MAB21L3: variants seen among roughly 807,000 people sequenced by gnomAD.
MAB21L3 encodes protein mab-21-like 3.
MAB21L3 carries 36 observed loss-of-function variants against 37.7 expected under a neutral mutation model. The observed-to-expected ratio is 0.96, with a 90% CI of 0.73 to 1.26. The LOEUF (loss-of-function observed/expected upper bound fraction) is 1.26, where lower values mean the gene tolerates loss of function less well. Among genes scored for constraint, MAB21L3 ranks in the 50% most tolerant of loss-of-function variants. The pLI is 0.00. For missense variants in MAB21L3, 430 were observed against 447.3 expected (o/e 0.96, Z 0.35); for synonymous variants, 186 against 176.8 (o/e 1.05, Z -0.41).
In MAB21L3 at chr1:116,112,562, G is replaced by T. The variant is rs200080620; in HGVS notation, c.-54G>T. The T allele has an allele frequency of 3.1e-6, 4 of 1,296,210 alleles. No homozygotes were observed. Among genetic ancestry groups the T allele is most frequent in the Non-Finnish European group, 3.2e-6 (3 of 932,346 alleles). The allele number at this position is 1,296,210 out of a possible 1,614,324, so 80.3% of individuals were successfully genotyped here. A position where few individuals can be genotyped will look rare whatever the true frequency, so the allele number is the denominator to read the frequency against. ...ACTCACAAGTGTTGCACTCCATTGAGAAAAAAAAAAAAACCAGGAAGTTGC... is the reference window on the plus strand; with the variant it reads ...ACTCACAAGTGTTGCACTCCATTGATAAAAAAAAAAAAACCAGGAAGTTGC... On this transcript the variant is annotated 5_prime_UTR_variant, in exon 3 of 8. Coordinates refer to ENST00000369500, the MANE Select transcript of MAB21L3 (RefSeq NM_152367.3).
intron 3 of MAB21L3, among the ~76,000 whole-genome samples, chr1:116,115,677 T>G (rs1315196863): frequency 6.6e-6 from 1 of 152,216 alleles, no homozygotes; most frequent in Non-Finnish European, 1.5e-5. Context: ...CGTATCGGAA[T>G]GCAAGTGAGT....
At chr1:116,118,871 C>T (rs1659661959) in intron 3 of MAB21L3, among the ~76,000 whole-genome samples, 1 of 152,220 alleles carries the variant, frequency 6.6e-6, no homozygotes, top group African/African-American at 2.4e-5. Context: ...AACCTCCAAA[C>T]TGGATGAAGT....
rs547615735 is a variant in MAB21L3 at position 116,131,662 on chromosome 1, C to T, written c.856-1470C>T. Among the ~76,000 whole-genome samples the T allele has an allele frequency of 5.1e-4, 77 of 152,210 alleles. 1 individual carries two copies. The highest frequency in any genetic ancestry group is 8.3e-4 in the South Asian group (4 of 4,824). ...CCCAAGTAGCTGGGACTACAGGCAC[C>T]CGCCACCACGCCTGGCTAATTTTTT... On this transcript the variant is annotated intron_variant, in intron 7 of 7. Transcript: ENST00000369500.
Position 116,133,097 on chromosome 1 carries a change from G to A in MAB21L3, c.856-35G>A, listed in dbSNP as rs200172904. ...TCCAAGCTATCCTCCTCAATTGCCCGAAACAATGTCTGACAGCACTTCTCC... is the reference window on the plus strand; with the variant it reads ...TCCAAGCTATCCTCCTCAATTGCCCAAAACAATGTCTGACAGCACTTCTCC... On this transcript the variant is annotated intron_variant, in intron 7 of 7. Transcript: ENST00000369500. 1.7e-5 allele frequency: 27 copies of A among 1,570,480 alleles called. 1 individual carries two copies. Among genetic ancestry groups the A allele is most frequent in the Admixed American group, 6.8e-5 (4 of 59,056 alleles).
intron 2 of MAB21L3, 54 bp downstream of exon 2, chr1:116,111,864 C>T (rs914532202): frequency 3.3e-5 from 5 of 152,684 alleles, no homozygotes; most frequent in African/African-American, 1.2e-4. Flanking sequence ...CCCGTGTGCA[C>T]TCTGTGTACG....
intron 3 of MAB21L3, among the ~76,000 whole-genome samples, chr1:116,120,107 C>G (rs900024225): frequency 6.6e-6 from 1 of 152,012 alleles, no homozygotes; most frequent in Admixed American, 6.6e-5. Flanking sequence ...TTCACAAAAC[C>G]CTGTGTGATG....
intron 4 of MAB21L3, 30 bp downstream of exon 4, chr1:116,121,102 A>C: frequency 6.2e-7 from 1 of 1,603,648 alleles, no homozygotes; most frequent in Non-Finnish European, 8.5e-7. Flanking sequence ...TCTAAGTGCC[A>C]CCAACAGAGC....
At chr1:116,132,113 T>A (rs1660080539) in intron 7 of MAB21L3, among the ~76,000 whole-genome samples, 1 of 152,144 alleles carries the variant, frequency 6.6e-6, no homozygotes, top group Middle Eastern at 3.2e-3. Context: ...ACTCAAGAGA[T>A]ACACGATAAG....
chr1:116,114,773 T>C (rs915129664), intron 3 of MAB21L3, among the ~76,000 whole-genome samples: 1 of 152,204 alleles, frequency 6.6e-6, no homozygotes, highest in Admixed American at 6.5e-5. Context: ...ATAGAATGCA[T>C]GGTAGACCGT....
chr1:116,123,265 G>T (rs1418937725), intron 4 of MAB21L3, among the ~76,000 whole-genome samples: 1 of 152,184 alleles, frequency 6.6e-6, no homozygotes, highest in Non-Finnish European at 1.5e-5. Flanking sequence ...AAAGGGGCTA[G>T]GTAAATTCTG....
Position 116,137,977 on chromosome 1 carries a change from G to A in MAB21L3, c.*4612G>A, listed in dbSNP as rs1193064026. ...ATCACACTCTGGGGACTGTTGTGGG[G>A]TGGGGGGAGGGGGGAGGGATAGCAT... On this transcript the variant is annotated 3_prime_UTR_variant, in exon 8 of 8. Coordinates refer to ENST00000369500, the MANE Select transcript of MAB21L3 (RefSeq NM_152367.3). Among the ~76,000 whole-genome samples the A allele has an allele frequency of 1.7e-5, 2 of 119,976 alleles. No homozygotes were observed. The highest frequency in any genetic ancestry group is 6.3e-5 in the African/African-American group (2 of 31,586). The allele number at this position is 119,976 out of a possible 152,430, so 78.7% of individuals were successfully genotyped here.
intron 5 of MAB21L3, 125 bp from the exon 6 acceptor site, chr1:116,127,341 T>C (rs759526840): frequency 1.3e-5 from 11 of 830,116 alleles, no homozygotes; most frequent in Non-Finnish European, 2.1e-5. Flanking sequence ...GCTACAGACA[T>C]TGTGAAAGTT....
chr1:116,112,521 A>G lies in MAB21L3; in HGVS notation c.-95A>G. ...AACTTAGTACCCAGAGACTCACATT[A>G]CTGGGAGTGCTATCTACTCACAAGT... On this transcript the variant is annotated 5_prime_UTR_variant, in exon 3 of 8. Transcript: ENST00000369500. 1 of 1,111,976 alleles carries G rather than the reference A, an allele frequency of 9.0e-7. No homozygotes were observed. Among genetic ancestry groups the G allele is most frequent in the South Asian group, 1.3e-5 (1 of 75,716 alleles). The allele number at this position is 1,111,976 out of a possible 1,614,324, so 68.9% of individuals were successfully genotyped here.
Position 116,135,906 on chromosome 1 carries a change from A to T in MAB21L3, c.*2541A>T, listed in dbSNP as rs1210017765. Among the ~76,000 whole-genome samples, 1 of 151,598 alleles carries T rather than the reference A, an allele frequency of 6.6e-6. No individual in the cohort carries two copies. Among genetic ancestry groups the T allele is most frequent in the Non-Finnish European group, 1.5e-5 (1 of 67,954 alleles). ...ATGATTATCTCAATAGATGCAGAAA[A>T]GGCCTTTGACAAAATTCAACAACCT... On this transcript the variant is annotated 3_prime_UTR_variant, in exon 8 of 8. Coordinates refer to ENST00000369500, the MANE Select transcript of MAB21L3 (RefSeq NM_152367.3).
At chr1:116,117,838 A>T (rs538973985) in intron 3 of MAB21L3, among the ~76,000 whole-genome samples, 30 of 152,116 alleles carry the variant, frequency 2.0e-4, no homozygotes, top group African/African-American at 6.3e-4. Context: ...CTACCCTTTT[A>T]TCTGTATCTG....
chr1:116,120,428 C>CACACACAG lies in MAB21L3; in HGVS notation c.49-501_49-500insCACAGACA, dbSNP rs113760206. 2.0e-3 allele frequency among the ~76,000 whole-genome samples: 298 copies of CACACACAG among 149,696 alleles called. 5 individuals carry two copies. The highest frequency in any genetic ancestry group is 7.0e-3 in the African/African-American group (281 of 40,212). On this transcript the variant is annotated intron_variant, in intron 3 of 7. Transcript: ENST00000369500. ...ACACACACACACACACACACACACA[C>CACACACAG]ACAAACACACACACACACACATATA...
At chr1:116,131,001 A>T (rs1227824480) in intron 7 of MAB21L3, among the ~76,000 whole-genome samples, 1 of 152,194 alleles carries the variant, frequency 6.6e-6, no homozygotes, top group African/African-American at 2.4e-5. Flanking sequence ...ATAACCCAAT[A>T]TCTAAACCAT....
Position 116,120,915 on chromosome 1 carries a change from G to C in MAB21L3, c.49-17G>C, listed in dbSNP as rs771485634. The C allele has an allele frequency of 1.9e-6, 3 of 1,613,318 alleles. No individual in the cohort carries two copies. In the African/African-American group the frequency reaches 4.0e-5, roughly 22 times the overall value. ...ACAGAGGAAATAACCACCATTGCTG[G>C]TCCCTCTCACACCCAGGTGGACTTG... On this transcript the variant is annotated splice_polypyrimidine_tract_variant and intron_variant, in intron 3 of 7. Transcript: ENST00000369500.
intron 7 of MAB21L3, among the ~76,000 whole-genome samples, chr1:116,129,621 T>G (rs1293217519): frequency 6.6e-6 from 1 of 152,240 alleles, no homozygotes; most frequent in Non-Finnish European, 1.5e-5. Flanking sequence ...AGATACCACA[T>G]TGATCTTGTC....
Sources: gnomAD v4.1 joint callset for allele counts (sites outside exome capture counted in the v4.1 genomes callset) on GRCh38, gnomAD v4.1.1 for gene constraint, MANE v1.5 for transcripts, NCBI Gene and HGNC (gene_info 2026-07-23, HGNC 2026-07-21) for gene names.